LRFN5: variants seen among roughly 807,000 people sequenced by gnomAD.
The protein encoded by LRFN5 is leucine rich repeat and fibronectin type III domain containing 5, also known as leucine-rich repeat and fibronectin type-III domain-containing protein 5.
In LRFN5, 24 loss-of-function variants were observed where a neutral mutation model predicts 45.6. That is an observed-to-expected ratio of 0.53 (90% CI 0.38 to 0.74). The LOEUF (loss-of-function observed/expected upper bound fraction) is 0.74, where lower values mean the gene tolerates loss of function less well. LRFN5 is among the 30% of genes least tolerant of loss of function. The pLI, the probability that LRFN5 is intolerant of heterozygous loss-of-function variation, is 0.00. For missense variants in LRFN5, 776 were observed against 861.5 expected (o/e 0.90, Z 1.24); for synonymous variants, 340 against 313.8 (o/e 1.08, Z -0.88).
At chr14:41,791,170 A>G (rs1347380217) in intron 2 of LRFN5, among the ~76,000 whole-genome samples, 3 of 151,836 alleles carry the variant, frequency 2.0e-5, no homozygotes, top group Non-Finnish European at 4.4e-5. Flanking sequence ...CAATTTGATT[A>G]CCTAGTGTTT....
chr14:41,872,899 C>T (rs749050414), intron 2 of LRFN5, among the ~76,000 whole-genome samples: 3 of 152,284 alleles, frequency 2.0e-5, no homozygotes, highest in South Asian at 2.1e-4. Flanking sequence ...CACAGATATG[C>T]GTATAGATTT....
intron 1 of LRFN5, among the ~76,000 whole-genome samples, chr14:41,751,147 A>G (rs191264247): frequency 1.6e-4 from 24 of 152,184 alleles, no homozygotes; most frequent in Admixed American, 1.4e-3. Flanking sequence ...CCCAATGATC[A>G]ATCACCTCCC....
intron 1 of LRFN5, among the ~76,000 whole-genome samples, chr14:41,659,892 GTTTT>G (rs11352345): frequency 8.1e-6 from 1 of 123,894 alleles, no homozygotes; most frequent in Admixed American, 8.0e-5. Context: ...ACTTTTTGAT[GTTTT>G]TTTTTTTTTT....
At chr14:41,733,539 AAAAT>A (rs1884273657) in intron 1 of LRFN5, 2 of 152,174 alleles carry the variant, frequency 1.3e-5, no homozygotes, top group Admixed American at 6.6e-5. Context: ...GACCTGCCTT[AAAAT>A]AAATGTTAAG....
intron 1 of LRFN5, among the ~76,000 whole-genome samples, chr14:41,680,549 A>G (rs918466644): frequency 1.3e-5 from 2 of 152,214 alleles, no homozygotes; most frequent in African/African-American, 4.8e-5. Context: ...GAGCCACAGC[A>G]TTGCTGAGCT....
At chr14:41,728,793 A>T (rs966049826) in intron 1 of LRFN5, among the ~76,000 whole-genome samples, 2 of 152,178 alleles carry the variant, frequency 1.3e-5, no homozygotes, top group Non-Finnish European at 2.9e-5. Context: ...TGAGCATTTT[A>T]GATGAGAGAC....
intron 2 of LRFN5, among the ~76,000 whole-genome samples, chr14:41,831,843 T>C (rs983253305): frequency 5.3e-5 from 8 of 152,116 alleles, no homozygotes; most frequent in African/African-American, 1.9e-4. Context: ...TATGCTTTTA[T>C]ATATTACAAT....
intron 1 of LRFN5, among the ~76,000 whole-genome samples, chr14:41,648,912 C>T (rs988399366): frequency 8.6e-5 from 13 of 151,970 alleles, no homozygotes; most frequent in Admixed American, 6.6e-4. Context: ...TAATTGAAAA[C>T]GTGTAATTAA....
chr14:41,735,234 A>C (rs769352097), intron 1 of LRFN5, among the ~76,000 whole-genome samples: 3 of 151,628 alleles, frequency 2.0e-5, no homozygotes, highest in Non-Finnish European at 4.4e-5. Flanking sequence ...TGTCTGAAAA[A>C]GTTTTTGCCA....
intron 2 of LRFN5, among the ~76,000 whole-genome samples, chr14:41,793,790 T>C (rs1240302083): frequency 6.6e-6 from 1 of 152,106 alleles, no homozygotes. Context: ...AGATCACTAA[T>C]TAACTACTTT....
intron 5 of LRFN5, among the ~76,000 whole-genome samples, chr14:41,900,897 G>A (rs1469960094): frequency 1.3e-5 from 2 of 152,116 alleles, no homozygotes; most frequent in African/African-American, 4.8e-5. Context: ...CAGAGGTGGA[G>A]AGCGGGCAGA....
At chr14:41,698,441 C>T (rs1297005382) in intron 1 of LRFN5, among the ~76,000 whole-genome samples, 1 of 152,052 alleles carries the variant, frequency 6.6e-6, no homozygotes, top group Non-Finnish European at 1.5e-5. Flanking sequence ...CACTGGTTCT[C>T]TACCTTATTT....
At chr14:41,673,299 G>C (rs1881330715) in intron 1 of LRFN5, among the ~76,000 whole-genome samples, 2 of 151,676 alleles carry the variant, frequency 1.3e-5, no homozygotes, top group South Asian at 4.2e-4. Flanking sequence ...CAGCCGGGCA[G>C]AGGCGCCCCT....
At chr14:41,874,884 G>A (rs1377176488) in intron 2 of LRFN5, among the ~76,000 whole-genome samples, 1 of 152,160 alleles carries the variant, frequency 6.6e-6, no homozygotes, top group Admixed American at 6.5e-5. Context: ...GCAGCAAGAA[G>A]TGCTGAGCAA....
intron 1 of LRFN5, among the ~76,000 whole-genome samples, chr14:41,689,993 G>A (rs928182743): frequency 8.6e-5 from 13 of 150,876 alleles, no homozygotes; most frequent in Admixed American, 5.9e-4. Flanking sequence ...AATTATGAAT[G>A]CTAACTTTTT....
chr14:41,624,445 A>G (rs1888252095), intron 1 of LRFN5, among the ~76,000 whole-genome samples: 1 of 152,136 alleles, frequency 6.6e-6, no homozygotes, highest in East Asian at 1.9e-4. Context: ...GAAACATTAA[A>G]CTAGAAGGTT....
At chr14:41,662,641 A>G (rs1192280867) in intron 1 of LRFN5, among the ~76,000 whole-genome samples, 1 of 152,000 alleles carries the variant, frequency 6.6e-6, no homozygotes, top group African/African-American at 2.4e-5. Flanking sequence ...CAGCAGGGCC[A>G]CCAATCAGGA....
At chr14:41,706,032 T>C (rs1441995790) in intron 1 of LRFN5, among the ~76,000 whole-genome samples, 1 of 152,212 alleles carries the variant, frequency 6.6e-6, no homozygotes, top group East Asian at 1.9e-4. Flanking sequence ...CATATGCACA[T>C]TGATATCACT....
At chr14:41,756,282 C>T (rs1375666730) in intron 1 of LRFN5, among the ~76,000 whole-genome samples, 4 of 152,108 alleles carry the variant, frequency 2.6e-5, no homozygotes, top group South Asian at 2.1e-4. Context: ...TTGTGGCATT[C>T]TCTGTATTTA....
Sources: gnomAD v4.1 joint callset for allele counts (sites outside exome capture counted in the v4.1 genomes callset) on GRCh38, gnomAD v4.1.1 for gene constraint, MANE v1.5 for transcripts, NCBI Gene and HGNC (gene_info 2026-07-23, HGNC 2026-07-21) for gene names.